The following PPIG variants were observed in gnomAD, a reference collection of about 807,000 sequenced individuals.
PPIG encodes the protein peptidylprolyl isomerase G.
In PPIG, 26 loss-of-function variants were observed where a neutral mutation model predicts 87.9. That is an observed-to-expected ratio of 0.30 (90% CI 0.22 to 0.41). The LOEUF is 0.41. Ranked by LOEUF, PPIG falls within the 10% of genes least tolerant of loss-of-function variation. PPIG has a pLI of 1.00. For missense variants in PPIG, 722 were observed against 879.4 expected (o/e 0.82, Z 2.26); for synonymous variants, 308 against 276.5 (o/e 1.11, Z -1.13).
chr2:169,627,058 T>C (rs1685906919), intron 9 of PPIG, among the ~76,000 whole-genome samples: 2 of 152,186 alleles, frequency 1.3e-5, no homozygotes, highest in Admixed American at 6.5e-5. Flanking sequence ...GAGCAGATTA[T>C]ATTCCTATAA....
At chr2:169,604,385 G>A (rs1685264357) in intron 4 of PPIG, 124 bp downstream of exon 4, 2 of 769,152 alleles carry the variant, frequency 2.6e-6, no homozygotes, top group South Asian at 3.6e-5. Flanking sequence ...TTGTCCAACT[G>A]GACTAGAACT....
At chr2:169,616,497 T>C (rs1198517183) in intron 9 of PPIG, among the ~76,000 whole-genome samples, 1 of 152,182 alleles carries the variant, frequency 6.6e-6, no homozygotes, top group Non-Finnish European at 1.5e-5. Context: ...CTCCACATCC[T>C]CTCCGGCATC....
chr2:169,589,093 C>T (rs1428362201), intron 1 of PPIG, among the ~76,000 whole-genome samples: 2 of 151,618 alleles, frequency 1.3e-5, no homozygotes, highest in Non-Finnish European at 2.9e-5. Context: ...TTATGTCTCT[C>T]AGATCGTATA....
rs150135500 is a variant in PPIG at position 169,596,740 on chromosome 2, C to A, written c.-69-6902C>A. ...TCTGAGACGGAGTCTTACTCTGTTG[C>A]CTGGGCTGGAGTGTTGTGGCGCAAT... On this transcript the variant is annotated intron_variant, in intron 1 of 13. Coordinates refer to ENST00000260970, the MANE Select transcript of PPIG (RefSeq NM_004792.3). Among the ~76,000 whole-genome samples, 365 of 152,200 alleles carry A rather than the reference C, an allele frequency of 2.4e-3. 2 individuals are homozygous for A. The highest frequency in any genetic ancestry group is 0.017 in the Middle Eastern group (5 of 294).
intron 4 of PPIG, among the ~76,000 whole-genome samples, chr2:169,604,967 G>A (rs1461542735): frequency 6.6e-6 from 1 of 152,092 alleles, no homozygotes. Context: ...GGGGGCCGAG[G>A]TGGGTGGATC....
chr2:169,593,650 CTTTTTTTTT>C (rs57902378), intron 1 of PPIG, among the ~76,000 whole-genome samples: 1 of 106,204 alleles, frequency 9.4e-6, no homozygotes, highest in African/African-American at 3.5e-5. Flanking sequence ...TGCTTTATAT[CTTTTTTTTT>C]TTTTTTTTTT....
chr2:169,589,335 C>CT (rs1342454025), intron 1 of PPIG, among the ~76,000 whole-genome samples: 1 of 152,160 alleles, frequency 6.6e-6, no homozygotes, highest in Non-Finnish European at 1.5e-5. Context: ...AGAATGTTAG[C>CT]TTGTTTCTAC....
chr2:169,612,992 C>G (rs1685530146), intron 7 of PPIG, among the ~76,000 whole-genome samples: 1 of 152,086 alleles, frequency 6.6e-6, no homozygotes, highest in Non-Finnish European at 1.5e-5. Flanking sequence ...ACATCCTTGC[C>G]CAGCACACTT....
In PPIG at chr2:169,584,502, G is replaced by A. The variant is rs1397617305; in HGVS notation, c.-70+12G>A. 4.2e-6 allele frequency: 2 copies of A among 470,656 alleles called. No individual in the cohort carries two copies. The highest frequency in any genetic ancestry group is 4.0e-5 in the African/African-American group (2 of 50,076). The allele number at this position is 470,656 out of a possible 1,614,324, so 29.2% of individuals were successfully genotyped here. A position where few individuals can be genotyped will look rare whatever the true frequency, so the allele number is the denominator to read the frequency against. On this transcript the variant is annotated intron_variant, in intron 1 of 13. Coordinates refer to ENST00000260970, the MANE Select transcript of PPIG (RefSeq NM_004792.3). The stretch of plus-strand genomic sequence containing the variant: ...CTCTACCGGTGCAGGTAAGTGGTAT[G>A]AGGCTCAAGTTGTTCTGGCGGCGTC...
At chr2:169,585,095 T>C (rs559707721) in intron 1 of PPIG, among the ~76,000 whole-genome samples, 27 of 152,226 alleles carry the variant, frequency 1.8e-4, no homozygotes, top group Admixed American at 1.5e-3. Context: ...GTTAAGCATT[T>C]TTCTAAAACT....
intron 1 of PPIG, among the ~76,000 whole-genome samples, chr2:169,596,449 A>T (rs756676098): frequency 6.6e-6 from 1 of 152,104 alleles, no homozygotes; most frequent in Admixed American, 6.6e-5. Context: ...TCCCAGGGAA[A>T]CTTTGGCCTT....
At chr2:169,584,519 G>A (rs1318272012) in intron 1 of PPIG, 29 bp downstream of exon 1, 1 of 470,132 alleles carries the variant, frequency 2.1e-6, no homozygotes, top group Non-Finnish European at 4.4e-6. Flanking sequence ...AAGTTGTTCT[G>A]GCGGCGTCAT....
intron 4 of PPIG, among the ~76,000 whole-genome samples, chr2:169,605,417 C>G (rs985346314): frequency 1.3e-5 from 2 of 151,910 alleles, no homozygotes; most frequent in South Asian, 4.2e-4. Flanking sequence ...GCGGGAGATT[C>G]GCTTGAGCCC....
rs1037366398 is a variant in PPIG at position 169,636,188 on chromosome 2, A to G, written c.1114A>G (p.Met372Val). 1.2e-6 allele frequency: 2 copies of G among 1,612,300 alleles called. No homozygotes were observed. The highest frequency in any genetic ancestry group is 2.7e-5 in the African/African-American group (2 of 74,954). The change falls in exon 13 of 14, where the codon ATG (methionine) becomes GTG (valine). Residue 372 changes from methionine to valine, a missense_variant. Transcript: ENST00000260970. ...WRQEMQRAQR[M>V]RVSSGERWIK... The stretch of plus-strand genomic sequence containing the variant: ...GCAAGAGATGCAGAGAGCTCAAAGA[A>G]TGAGGGTATCAAGTGGTGAAAGATG...
At position 169,605,938 on chromosome 2, in the gene PPIG, T is replaced by A. The variant is rs916863497; in HGVS notation, c.137-101T>A. On this transcript the variant is annotated intron_variant, in intron 4 of 13. Transcript: ENST00000260970. ...CCTGAAAGGAATGAAAATATGATTT[T>A]AAGTCTGCAGGGTTCAAGAGGGGCA... 19 of 743,688 alleles carry A rather than the reference T, an allele frequency of 2.6e-5. No homozygotes were observed. In the Admixed American group the frequency reaches 3.8e-4, roughly 15 times the overall value. 46.1% of individuals were successfully genotyped at this position (743,688 alleles called of 1,614,324 possible). A position where few individuals can be genotyped will look rare whatever the true frequency, so the allele number is the denominator to read the frequency against.
At chr2:169,590,129 C>A (rs200373040) in intron 1 of PPIG, among the ~76,000 whole-genome samples, 52 of 139,326 alleles carry the variant, frequency 3.7e-4, no homozygotes, top group East Asian at 6.2e-4. Flanking sequence ...CGACAACAAC[C>A]AAAAAAAAAA....
Position 169,604,094 on chromosome 2 carries a change from A to G in PPIG, c.53A>G (p.Asn18Ser), listed in dbSNP as rs1349025893. The G allele has an allele frequency of 4.3e-6, 7 of 1,613,372 alleles. No individual in the cohort carries two copies. Among genetic ancestry groups the G allele is most frequent in the Non-Finnish European group, 5.9e-6 (7 of 1,179,474 alleles). ...TGTTTTTTTGACATTGCCATTAACA[A>G]TCAACCTGGTAAGAATATTAGTTGA... The part of the protein sequence containing the change: ...PRCFFDIAIN[N>S]QPAGRVVFEL... The change falls in exon 3 of 14, where the codon AAT becomes AGT. Residue 18 changes from asparagine to serine, a missense_variant. By Grantham distance (46) the Asn-to-Ser change is conservative. Coordinates refer to ENST00000260970, the MANE Select transcript of PPIG (RefSeq NM_004792.3).
intron 9 of PPIG, among the ~76,000 whole-genome samples, chr2:169,617,263 C>A (rs755724543): frequency 6.6e-6 from 1 of 152,074 alleles, no homozygotes; most frequent in Non-Finnish European, 1.5e-5. Context: ...GTTACTGTAG[C>A]CTTGCAGTAT....
chr2:169,627,704 C>CT (rs777197172), intron 9 of PPIG, among the ~76,000 whole-genome samples: 2,874 of 101,886 alleles, frequency 0.028, 53 homozygotes, highest in Non-Finnish European at 0.037. Context: ...AGTGGGCTTG[C>CT]TTTTTTTTTT....
Sources: allele counts gnomAD v4.1 joint callset (sites outside exome capture counted in the v4.1 genomes callset), GRCh38; gene constraint gnomAD v4.1.1; transcripts MANE v1.5; gene names NCBI Gene and HGNC (gene_info 2026-07-23, HGNC 2026-07-21).